Variants in SEMA3D observed in about 807,000 individuals in gnomAD.
SEMA3D encodes semaphorin 3D.
In SEMA3D, 84 loss-of-function variants were observed where a neutral mutation model predicts 100.1. The observed-to-expected ratio is 0.84, with a 90% CI of 0.70 to 1.01. The LOEUF is 1.01. Ranked by LOEUF, SEMA3D falls within the 50% of genes least tolerant of loss-of-function variation. SEMA3D has a pLI of 0.00. For synonymous variants in SEMA3D, 312 were observed against 320.7 expected (o/e 0.97, Z 0.29); for missense variants, 875 against 934.1 (o/e 0.94, Z 0.82).
chr7:85,149,132 T>C lies in SEMA3D; in HGVS notation c.-41+4476A>G, dbSNP rs183666051. ...AATGTCTTAATAAACAGTGATAATA[T>C]TATTTTCTTAAAAATACAAAAGTAA... On this transcript the variant is annotated intron_variant, in intron 2 of 18. Transcript: ENST00000284136. Among the ~76,000 whole-genome samples the C allele has an allele frequency of 1.3e-3, 198 of 152,216 alleles. 1 individual carries two copies. Among genetic ancestry groups the C allele is most frequent in the Middle Eastern group, 3.4e-3 (1 of 294 alleles).
At chr7:85,197,753 A>G in the SEMA3D span, among the ~76,000 whole-genome samples, 2 of 152,312 alleles carry the variant, frequency 1.3e-5, no homozygotes, top group African/African-American at 4.8e-5. Context: ...TTAATAACCT[A>G]TAACCCTGCA....
the SEMA3D span, among the ~76,000 whole-genome samples, chr7:85,227,783 G>C: frequency 2.0e-5 from 3 of 151,872 alleles, no homozygotes; most frequent in Admixed American, 6.6e-5. Flanking sequence ...ATTTCATTTT[G>C]AAGAAATTTT....
rs182278880 is a variant in SEMA3D, at chr7:85,025,498, A to G, written c.1192-2885T>C. ...TTAGTAGTGGAATGGGAAGCAATGG[A>G]TAAGAGGAGAAAAATGGTTTTTATC... On this transcript the variant is annotated intron_variant, in intron 12 of 18. Transcript: ENST00000284136. 2.0e-3 allele frequency among the ~76,000 whole-genome samples: 308 copies of G among 152,084 alleles called. 2 individuals are homozygous for G. Among genetic ancestry groups the G allele is most frequent in the South Asian group, 0.01 (50 of 4,824 alleles).
chr7:85,037,183 A>C, intron 11 of SEMA3D, 150 bp from the exon 12 acceptor site: 1 of 635,472 alleles, frequency 1.6e-6, no homozygotes, highest in East Asian at 2.8e-5. Context: ...CTACGTCCTC[A>C]AGTGGCTTAC....
intron 3 of SEMA3D, among the ~76,000 whole-genome samples, chr7:85,117,442 A>G (rs1789273732): frequency 6.6e-6 from 1 of 152,190 alleles, no homozygotes; most frequent in Non-Finnish European, 1.5e-5. Context: ...TTGGTTTTAG[A>G]AATGGGCACT....
At chr7:85,101,573 G>T (rs1165854209) in intron 3 of SEMA3D, among the ~76,000 whole-genome samples, 1 of 151,896 alleles carries the variant, frequency 6.6e-6, no homozygotes, top group Non-Finnish European at 1.5e-5. Flanking sequence ...AAGCCATGTT[G>T]GTGTGAGGAA....
At chr7:85,104,301 C>T (rs1449752380) in intron 3 of SEMA3D, among the ~76,000 whole-genome samples, 2 of 151,936 alleles carry the variant, frequency 1.3e-5, no homozygotes, top group East Asian at 3.9e-4. Flanking sequence ...ATACTTGTGA[C>T]AAAGGACAAC....
chr7:85,090,144 C>T (rs1788342300), intron 4 of SEMA3D, among the ~76,000 whole-genome samples: 1 of 152,094 alleles, frequency 6.6e-6, no homozygotes, highest in Non-Finnish European at 1.5e-5. Context: ...GCTTTTTCTT[C>T]CTACCACCTT....
At chr7:85,178,835 C>T (rs776541298) in intron 1 of SEMA3D, among the ~76,000 whole-genome samples, 39 of 152,162 alleles carry the variant, frequency 2.6e-4, no homozygotes, top group African/African-American at 4.8e-5. Context: ...AGAAGAAAAA[C>T]GTTTCATGGG....
chr7:85,133,668 T>C (rs1789786557), intron 2 of SEMA3D, among the ~76,000 whole-genome samples: 1 of 151,994 alleles, frequency 6.6e-6, no homozygotes, highest in Non-Finnish European at 1.5e-5. Flanking sequence ...GGCTATAAGA[T>C]GGTTTGGTTG....
chr7:85,022,554 G>A lies in SEMA3D; in HGVS notation c.1251C>T (p.Val417=), dbSNP rs1156582942. The change falls in exon 13 of 19, where the codon GTC becomes GTT. Residue 417 remains valine (V), a synonymous_variant. Coordinates refer to ENST00000284136, the MANE Select transcript of SEMA3D (RefSeq NM_001384900.1). The stretch of plus-strand genomic sequence containing the variant: ...CAGAGTGCCGCTTTATGAAACTGAT[G>A]ACATCATCTGGAAAATCTCGGGTGG... ...IKSTRDFPDD[V]ISFIKRHSVM... 6.2e-7 allele frequency: 1 copy of A among 1,612,492 alleles called. No individual in the cohort carries two copies. The highest frequency in any genetic ancestry group is 1.1e-5 in the South Asian group (1 of 91,058).
intron 2 of SEMA3D, chr7:85,141,977 T>C: frequency 1.0e-6 from 1 of 982,060 alleles, no homozygotes; most frequent in Non-Finnish European, 1.2e-6. Context: ...AGTTAAAAAA[T>C]GCATTAACCA....
At chr7:85,168,142 C>T (rs1253571166) in intron 1 of SEMA3D, among the ~76,000 whole-genome samples, 4 of 151,722 alleles carry the variant, frequency 2.6e-5, no homozygotes, top group Non-Finnish European at 2.9e-5. Flanking sequence ...ACCTGTGGCT[C>T]TTATTATTTT....
At chr7:85,145,886 T>C (rs925955660) in intron 2 of SEMA3D, among the ~76,000 whole-genome samples, 2 of 152,156 alleles carry the variant, frequency 1.3e-5, no homozygotes, top group African/African-American at 4.8e-5. Context: ...TTTTTTCTTC[T>C]ATAAACTTTA....
the SEMA3D span, among the ~76,000 whole-genome samples, chr7:85,212,320 G>A: frequency 6.6e-6 from 1 of 152,098 alleles, no homozygotes; most frequent in South Asian, 2.1e-4. Flanking sequence ...CCTAGATTTT[G>A]TTACCTGCTT....
intron 2 of SEMA3D, among the ~76,000 whole-genome samples, chr7:85,146,606 G>A (rs1790213152): frequency 1.3e-5 from 2 of 151,542 alleles, no homozygotes; most frequent in South Asian, 2.1e-4. Context: ...TTTAAGATAT[G>A]CAATTGTATT....
rs180730907 is a variant in SEMA3D at position 85,003,942 on chromosome 7, A to T, written c.1908+2860T>A. On this transcript the variant is annotated intron_variant, in intron 18 of 18. Transcript: ENST00000284136. ...ACGCTGTTGTTTATCAAAATCCATA[A>T]AGATAACAAATGTCTTTAACTTATT... Among the ~76,000 whole-genome samples, 41 of 152,276 alleles carry T rather than the reference A, an allele frequency of 2.7e-4. 1 individual carries two copies. In the East Asian group the frequency reaches 7.7e-3, roughly 29 times the overall value.
intron 2 of SEMA3D, among the ~76,000 whole-genome samples, chr7:85,152,059 C>G (rs1382587794): frequency 6.6e-6 from 1 of 151,878 alleles, no homozygotes; most frequent in Non-Finnish European, 1.5e-5. Context: ...TTTTGTCTCC[C>G]TTTGATTTAT....
chr7:85,084,286 G>T (rs986142393), intron 4 of SEMA3D, among the ~76,000 whole-genome samples: 2 of 151,916 alleles, frequency 1.3e-5, no homozygotes, highest in African/African-American at 4.8e-5. Context: ...GGTTAAAAAC[G>T]CATAACATAA....
Sources: allele counts gnomAD v4.1 joint callset (sites outside exome capture counted in the v4.1 genomes callset), GRCh38; gene constraint gnomAD v4.1.1; transcripts MANE v1.5; gene names NCBI Gene and HGNC (gene_info 2026-07-23, HGNC 2026-07-21).